PPP1R13B: variants seen among roughly 807,000 people sequenced by gnomAD.
PPP1R13B encodes protein phosphatase 1 regulatory subunit 13B.
Under a neutral mutation model 119.8 loss-of-function variants are expected in PPP1R13B, and 44 were observed. The ratio of observed to expected loss-of-function variants is 0.37; its 90% confidence interval spans 0.29 to 0.47. The LOEUF (loss-of-function observed/expected upper bound fraction) is 0.47. Among genes scored for constraint, PPP1R13B ranks in the 20% least tolerant of loss-of-function variants. The probability of loss-of-function intolerance (pLI) is 0.99; values close to 1 mark genes in which losing one functional copy is unlikely to be tolerated. For missense variants in PPP1R13B, 1,227 were observed against 1,413.5 expected, an observed-to-expected ratio of 0.87 and a Z score of 2.12; for synonymous variants, 542 against 561.5, an observed-to-expected ratio of 0.97 and a Z score of 0.49.
At chr14:103,777,909 C>T (rs1292249078) in intron 4 of PPP1R13B, among the ~76,000 whole-genome samples, 1 of 151,900 alleles carries the variant, frequency 6.6e-6, no homozygotes, top group Admixed American at 6.6e-5. Flanking sequence ...ATCATCCCGC[C>T]TCAGCCTCCT....
chr14:103,787,400 ATCGTGCTACT>A (rs2085494209), intron 2 of PPP1R13B, among the ~76,000 whole-genome samples: 1 of 151,824 alleles, frequency 6.6e-6, no homozygotes, highest in African/African-American at 2.4e-5. Flanking sequence ...GACAGCTGAG[ATCGTGCTACT>A]TCACTCCATG....
rs200715897 is a variant in PPP1R13B at position 103,740,181 on chromosome 14, G to A, written c.2235C>T (p.Pro745=). 1.0e-4 allele frequency: 166 copies of A among 1,613,826 alleles called. No homozygotes were observed. The highest frequency in any genetic ancestry group is 1.3e-4 in the Non-Finnish European group (153 of 1,180,022). ...TGCCCATGAAGTCCTGGGAGGGGCT[G>A]GGCTGGTAGAAAGGGGTGCCCTCCA... ...GGMEGTPFYQ[P]SPSQDFMGTL... Residue 745 remains proline, a synonymous_variant, in exon 12 of 17, where the codon CCC becomes CCT. Coordinates refer to ENST00000202556, the MANE Select transcript of PPP1R13B (RefSeq NM_015316.3). This position sits in a 1 kb window ranked among gnomAD's most constrained non-coding sequence, Gnocchi z 4.6.
chr14:103,765,207 C>T (rs186942463), intron 4 of PPP1R13B, among the ~76,000 whole-genome samples: 10 of 152,152 alleles, frequency 6.6e-5, no homozygotes, highest in Admixed American at 3.9e-4. Flanking sequence ...TCCTTGTGCA[C>T]GTGATTTTTA....
chr14:103,784,963 A>G (rs2085423129), intron 2 of PPP1R13B, 49 bp from the exon 3 acceptor site: 1 of 1,476,340 alleles, frequency 6.8e-7, no homozygotes, highest in African/African-American at 1.4e-5. Flanking sequence ...AATGACTCCA[A>G]CCAAAAGTAA....
chr14:103,805,662 T>C (rs2086000998), intron 1 of PPP1R13B, among the ~76,000 whole-genome samples: 1 of 152,128 alleles, frequency 6.6e-6, no homozygotes, highest in Non-Finnish European at 1.5e-5. Flanking sequence ...CAGATAATTA[T>C]GGAATATCAT....
At chr14:103,753,392 T>G (rs1365763981) in intron 6 of PPP1R13B, among the ~76,000 whole-genome samples, 196 bp from the exon 7 acceptor site, 1 of 152,170 alleles carries the variant, frequency 6.6e-6, no homozygotes, top group East Asian at 1.9e-4. Context: ...AACAATTATA[T>G]TTGCATTAAT....
chr14:103,736,337 T>C, intron 15 of PPP1R13B, 135 bp from the exon 16 acceptor site: 1 of 891,790 alleles, frequency 1.1e-6, no homozygotes, highest in Non-Finnish European at 1.7e-6. Context: ...GCGAGGGAGA[T>C]GAGACACTAT....
chr14:103,789,858 TG>T (rs1166658185), intron 2 of PPP1R13B, among the ~76,000 whole-genome samples: 1 of 152,166 alleles, frequency 6.6e-6, no homozygotes, highest in Non-Finnish European at 1.5e-5. Context: ...TGCTTTATAT[TG>T]TATTAGTGTT....
chr14:103,844,184 T>C (rs966499552), intron 1 of PPP1R13B, among the ~76,000 whole-genome samples: 2 of 151,910 alleles, frequency 1.3e-5, no homozygotes, highest in African/African-American at 2.4e-5. Flanking sequence ...TGAGAATCAC[T>C]TGAGCCTAGG....
At chr14:103,746,680 A>T in intron 8 of PPP1R13B, 127 bp from the exon 9 acceptor site, 1 of 740,820 alleles carries the variant, frequency 1.3e-6, no homozygotes, top group Non-Finnish European at 2.1e-6. Context: ...GAAGCCTGTC[A>T]TCTGGAAAGA....
chr14:103,803,972 G>A lies in PPP1R13B; in HGVS notation c.10-6454C>T, dbSNP rs146650853. ...CTGTAACAGACTGTGGCTATTTATA[G>A]TACAACTTTCTTACATTAAATTATC... On this transcript the variant is annotated intron_variant, in intron 1 of 16. Transcript: ENST00000202556. The A allele has an allele frequency of 7.8e-3, 6,752 of 867,358 alleles. 43 individuals are homozygous for A. Among genetic ancestry groups the A allele is most frequent in the Non-Finnish European group, 8.7e-3 (6,292 of 722,474 alleles). 53.7% of individuals were successfully genotyped at this position (867,358 alleles called of 1,614,324 possible). A position where few individuals can be genotyped will look rare whatever the true frequency, so the allele number is the denominator to read the frequency against.
chr14:103,795,324 A>T (rs1347024245), intron 2 of PPP1R13B, among the ~76,000 whole-genome samples: 7 of 152,184 alleles, frequency 4.6e-5, no homozygotes, highest in African/African-American at 7.2e-5. Flanking sequence ...ATGAGAGGCA[A>T]AGAATAAATA....
intron 1 of PPP1R13B, among the ~76,000 whole-genome samples, chr14:103,833,105 G>T (rs993762106): frequency 6.6e-6 from 1 of 152,174 alleles, no homozygotes; most frequent in Non-Finnish European, 1.5e-5. Flanking sequence ...TAATGCCACA[G>T]AACTGTACAC....
At chr14:103,803,375 GGC>G (rs2085944657) in intron 1 of PPP1R13B, among the ~76,000 whole-genome samples, 1 of 152,180 alleles carries the variant, frequency 6.6e-6, no homozygotes, top group Non-Finnish European at 1.5e-5. Flanking sequence ...CGGGTGCGGT[GGC>G]TCACACCTGT....
At position 103,785,836 on chromosome 14, in the gene PPP1R13B, A is replaced by C. The variant is rs1334658242; in HGVS notation, c.158-922T>G. On this transcript the variant is annotated intron_variant, in intron 2 of 16. Transcript: ENST00000202556. ...TGCTCAGCCTCCCATTCTTGAAAGA[A>C]ACATAAATTGACCAGGCCATGTTAT... 2.0e-5 allele frequency among the ~76,000 whole-genome samples: 3 copies of C among 151,822 alleles called. No individual in the cohort carries two copies. The East Asian group carries it at 5.8e-4, about 30-fold the overall frequency.
At chr14:103,804,087 C>G (rs1046499469) in intron 1 of PPP1R13B, 1 of 983,966 alleles carries the variant, frequency 1.0e-6, no homozygotes, top group African/African-American at 1.7e-5. Context: ...TTAACTTGCT[C>G]CATTTTTTTT....
chr14:103,821,704 T>C (rs1248661724), intron 1 of PPP1R13B, among the ~76,000 whole-genome samples: 1 of 151,982 alleles, frequency 6.6e-6, no homozygotes, highest in East Asian at 1.9e-4. Flanking sequence ...TAAGCTGAGA[T>C]TGCGCCATTG....
chr14:103,748,577 T>C (rs1415999822), intron 8 of PPP1R13B, among the ~76,000 whole-genome samples: 1 of 152,190 alleles, frequency 6.6e-6, no homozygotes, highest in African/African-American at 2.4e-5. Context: ...TGCTCCATTC[T>C]CCTACCACGA....
intron 2 of PPP1R13B, among the ~76,000 whole-genome samples, chr14:103,786,797 A>C (rs1424304632): frequency 7.5e-6 from 1 of 132,482 alleles, no homozygotes; most frequent in Non-Finnish European, 1.6e-5. Context: ...AAGGCTGGTC[A>C]TGGTGGTGCA....
Sources: gnomAD v4.1 joint callset for allele counts (sites outside exome capture counted in the v4.1 genomes callset) on GRCh38, gnomAD v4.1.1 for gene constraint, Gnocchi (gnomAD v3.1) non-coding constraint, MANE v1.5 for transcripts, NCBI Gene and HGNC (gene_info 2026-07-23, HGNC 2026-07-21) for gene names.